ACOT11: variants seen among roughly 807,000 people sequenced by gnomAD.
ACOT11 encodes acyl-CoA thioesterase 11, also known as acyl-coenzyme A thioesterase 11.
Under a neutral mutation model 77.5 loss-of-function variants are expected in ACOT11, and 69 were observed. The observed-to-expected ratio is 0.89, with a 90% CI of 0.73 to 1.09. The LOEUF (loss-of-function observed/expected upper bound fraction) is 1.09. ACOT11 is among the 50% of genes least tolerant of loss of function. The pLI is 0.00. For missense variants in ACOT11, 766 were observed against 813.7 expected, an observed-to-expected ratio of 0.94 and a Z score of 0.71; for synonymous variants, 279 against 313.0, an observed-to-expected ratio of 0.89 and a Z score of 1.15.
exon 17 of ACOT11, chr1:54,636,371 G>T (rs938928479): frequency 1.3e-5 from 2 of 152,178 alleles, no homozygotes; most frequent in African/African-American, 2.4e-5. Context: ...ATGAACAAAG[G>T]TCTCTGCATC....
intron 15 of ACOT11, chr1:54,616,204 T>C (rs747740556): frequency 6.4e-7 from 1 of 1,556,770 alleles, no homozygotes; most frequent in African/African-American, 1.4e-5. Context: ...AGTGAGTTCC[T>C]TTTTTTAAAA....
At chr1:54,562,084 C>T (rs1185293956) in intron 1 of ACOT11, among the ~76,000 whole-genome samples, 3 of 49,082 alleles carry the variant, frequency 6.1e-5, no homozygotes, top group East Asian at 1.0e-3. Flanking sequence ...GCTGGCCGGG[C>T]GGGGGGCTGA....
Position 54,625,121 on chromosome 1 carries a change from G to A in ACOT11, c.1630-5613G>A, listed in dbSNP as rs953955999. On this transcript the variant is annotated intron_variant, in intron 15 of 16. Coordinates refer to the ACOT11 transcript ENST00000371316. ...CCCCTCCCCACCACTGTGTATATCCGGAAATGTGAGACTGTGATGGGCCAC... is the reference window on the plus strand; with the variant it reads ...CCCCTCCCCACCACTGTGTATATCCAGAAATGTGAGACTGTGATGGGCCAC... Among the ~76,000 whole-genome samples the A allele has an allele frequency of 8.0e-5, 7 of 87,584 alleles. No homozygotes were observed. In the South Asian group the frequency reaches 1.5e-3, roughly 18 times the overall value. The allele number at this position is 87,584 out of a possible 152,430, so 57.5% of individuals were successfully genotyped here.
intron 1 of ACOT11, among the ~76,000 whole-genome samples, chr1:54,565,680 T>C (rs1420181667): frequency 6.6e-6 from 1 of 152,088 alleles, no homozygotes; most frequent in Non-Finnish European, 1.5e-5. Flanking sequence ...CAGTCATAGA[T>C]TTCTGAAAAG....
At position 54,584,949 on chromosome 1, in the gene ACOT11, A is replaced by C. The variant is rs144116227; in HGVS notation, c.241+87A>C. ...TTCAGAGATGGTCACCGTCCACCCTAAGTGCCACACTTGTTTCTCATCTTG... is the reference window on the plus strand; with the variant it reads ...TTCAGAGATGGTCACCGTCCACCCTCAGTGCCACACTTGTTTCTCATCTTG... On this transcript the variant is annotated intron_variant, in intron 2 of 15. Coordinates refer to ENST00000343744, the MANE Select transcript of ACOT11 (RefSeq NM_147161.4). This position sits in a 1 kb window ranked among gnomAD's most constrained non-coding sequence, Gnocchi z 6.3. 1.1e-4 allele frequency: 144 copies of C among 1,363,956 alleles called. No homozygotes were observed. In the East Asian group the frequency reaches 2.2e-3, roughly 21 times the overall value. The allele number at this position is 1,363,956 out of a possible 1,614,324, so 84.5% of individuals were successfully genotyped here.
chr1:54,579,866 A>C (rs1198223748), intron 1 of ACOT11, among the ~76,000 whole-genome samples: 1 of 152,214 alleles, frequency 6.6e-6, no homozygotes. Context: ...TGCCCTGCAC[A>C]GGGTTGCTGT....
rs189059301 is a variant in ACOT11, at chr1:54,563,134, G to A, written c.33+14792G>A. 4.6e-3 allele frequency among the ~76,000 whole-genome samples: 707 copies of A among 152,282 alleles called. 3 individuals are homozygous for A. Among genetic ancestry groups the A allele is most frequent in the African/African-American group, 0.015 (608 of 41,552 alleles). On this transcript the variant is annotated intron_variant, in intron 1 of 15. Transcript: ENST00000343744. Reference sequence around the variant, plus strand: ...CCTCCCGGGCGGCGCTCGCTGGCGCGGCGGCAAAGACTCTGATTTTTTAAA... The same window carrying A: ...CCTCCCGGGCGGCGCTCGCTGGCGCAGCGGCAAAGACTCTGATTTTTTAAA...
intron 1 of ACOT11, among the ~76,000 whole-genome samples, chr1:54,570,106 T>C (rs1177687803): frequency 3.3e-5 from 5 of 152,234 alleles, no homozygotes; most frequent in African/African-American, 1.2e-4. Flanking sequence ...TGCTTTCTAG[T>C]GACTGTTGCC....
chr1:54,625,758 A>C (rs1282367759), intron 15 of ACOT11, among the ~76,000 whole-genome samples: 2 of 150,360 alleles, frequency 1.3e-5, no homozygotes, highest in African/African-American at 4.9e-5. Flanking sequence ...ACCAACATGG[A>C]GAAACCCCAT....
intron 1 of ACOT11, among the ~76,000 whole-genome samples, chr1:54,549,237 A>T (rs1260338129): frequency 6.6e-6 from 1 of 152,042 alleles, no homozygotes; most frequent in Non-Finnish European, 1.5e-5. Context: ...TAAAAAGTAA[A>T]TGTGCTGACT....
chr1:54,579,456 T>C (rs984527663), intron 1 of ACOT11, among the ~76,000 whole-genome samples: 1 of 149,632 alleles, frequency 6.7e-6, no homozygotes. Flanking sequence ...AGAGGAGCTT[T>C]GGAATGTTGA....
downstream of ACOT11, chr1:54,611,546 A>C: frequency 6.4e-7 from 1 of 1,570,906 alleles, no homozygotes; most frequent in Non-Finnish European, 8.7e-7. Flanking sequence ...TCCAGTGCCC[A>C]CCAGGTGCTG....
Position 54,607,555 on chromosome 1 carries a change from G to A in ACOT11, c.1502+290G>A, listed in dbSNP as rs894215062. 7.2e-5 allele frequency among the ~76,000 whole-genome samples: 11 copies of A among 152,250 alleles called. No individual in the cohort carries two copies. The highest frequency in any genetic ancestry group is 4.1e-4 in the South Asian group (2 of 4,824). ...AGGCCTTGGGCAGGATATTTCTCAC[G>A]TGGCCACCTCCTTGGCCTCCTCCCT... On this transcript the variant is annotated intron_variant, in intron 14 of 15. Transcript: ENST00000343744. The surrounding 1 kb of genome is among the most constrained non-coding windows in gnomAD (Gnocchi z 4.5).
intron 1 of ACOT11, among the ~76,000 whole-genome samples, chr1:54,555,228 G>A (rs1166390638): frequency 6.6e-6 from 1 of 152,154 alleles, no homozygotes; most frequent in African/African-American, 2.4e-5. Flanking sequence ...CAAAGTGCTG[G>A]GATTACAGGC....
rs116281414 is a variant in ACOT11 at position 54,601,117 on chromosome 1, A to G, written c.885-152A>G. 6.9e-4 allele frequency: 173 copies of G among 249,182 alleles called. 1 individual carries two copies. The highest frequency in any genetic ancestry group is 1.1e-3 in the Non-Finnish European group (142 of 124,134). The allele number at this position is 249,182 out of a possible 1,614,324, so 15.4% of individuals were successfully genotyped here. On this transcript the variant is annotated intron_variant, in intron 8 of 15. Coordinates refer to ENST00000343744, the MANE Select transcript of ACOT11 (RefSeq NM_147161.4). ...CATGTGTGTGTATGTGTGTGCATAC[A>G]TGTGTGTGTATGTGTGTGCATACGT...
In ACOT11 at chr1:54,607,392, CAGGCACCACT is replaced by C; in HGVS notation, c.1502+130_1502+139del. 1 of 1,406,650 alleles carries C rather than the reference CAGGCACCACT, an allele frequency of 7.1e-7. No individual in the cohort carries two copies. Among genetic ancestry groups the C allele is most frequent in the Non-Finnish European group, 9.7e-7 (1 of 1,029,854 alleles). The allele number at this position is 1,406,650 out of a possible 1,614,324, so 87.1% of individuals were successfully genotyped here. On this transcript the variant is annotated intron_variant, in intron 14 of 15. Transcript: ENST00000343744. This position sits in a 1 kb window ranked among gnomAD's most constrained non-coding sequence, Gnocchi z 4.5. ...CTGCTTCCCATTGGCTGTGGGGCCC[CAGGCACCACT>C]AGACTTTTCTGGGCTGCTGTGGCTT...
chr1:54,569,121 A>G (rs1281953038), intron 1 of ACOT11, among the ~76,000 whole-genome samples: 1 of 145,030 alleles, frequency 6.9e-6, no homozygotes, highest in Non-Finnish European at 1.5e-5. Context: ...TCGAAAAAAA[A>G]AAAATAATTT....
In ACOT11 at chr1:54,607,401, C is replaced by A. The variant is rs1299627909; in HGVS notation, c.1502+136C>A. The A allele has an allele frequency of 7.8e-7, 1 of 1,283,004 alleles. No individual in the cohort carries two copies. Among genetic ancestry groups the A allele is most frequent in the Non-Finnish European group, 1.1e-6 (1 of 925,520 alleles). 79.5% of individuals were successfully genotyped at this position (1,283,004 alleles called of 1,614,324 possible). A position where few individuals can be genotyped will look rare whatever the true frequency, so the allele number is the denominator to read the frequency against. ...ATTGGCTGTGGGGCCCCAGGCACCACTAGACTTTTCTGGGCTGCTGTGGCT... is the reference window on the plus strand; with the variant it reads ...ATTGGCTGTGGGGCCCCAGGCACCAATAGACTTTTCTGGGCTGCTGTGGCT... On this transcript the variant is annotated intron_variant, in intron 14 of 15. Transcript: ENST00000343744. This position sits in a 1 kb window ranked among gnomAD's most constrained non-coding sequence, Gnocchi z 4.5.
rs1644279179 is a variant in ACOT11 at position 54,627,701 on chromosome 1, G to A, written c.1630-3033G>A. 1.5e-5 allele frequency among the ~76,000 whole-genome samples: 2 copies of A among 134,652 alleles called. 1 individual carries two copies. The highest frequency in any genetic ancestry group is 1.5e-4 in the Admixed American group (2 of 13,184). 88.3% of individuals were successfully genotyped at this position (134,652 alleles called of 152,430 possible). On this transcript the variant is annotated intron_variant, in intron 15 of 16. Transcript: ENST00000371316. ...TGGAAAGTGGCAGTGGGCCCAGGTT[G>A]GGGCATGCAGGATGGAGAAGACACA...
Sources: gnomAD v4.1 joint callset for allele counts (sites outside exome capture counted in the v4.1 genomes callset) on GRCh38, gnomAD v4.1.1 for gene constraint, Gnocchi (gnomAD v3.1) non-coding constraint, MANE v1.5 for transcripts, NCBI Gene and HGNC (gene_info 2026-07-23, HGNC 2026-07-21) for gene names.